The following KIF1B variants were observed in gnomAD, a reference collection of about 807,000 sequenced individuals.
KIF1B encodes the protein kinesin-like protein KIF1B.
Under a neutral mutation model 241.9 loss-of-function variants are expected in KIF1B, and 76 were observed. The observed-to-expected ratio is 0.31, with a 90% confidence interval of 0.26 to 0.38. The LOEUF (loss-of-function observed/expected upper bound fraction) is 0.38, where lower values mean the gene tolerates loss of function less well. Ranked by LOEUF, KIF1B falls within the 10% of genes least tolerant of loss-of-function variation. The pLI, the probability that KIF1B is intolerant of heterozygous loss-of-function variation, is 1.00. For missense variants in KIF1B, 1,622 were observed against 2,271.4 expected, an observed-to-expected ratio of 0.71 and a Z score of 5.81; for synonymous variants, 750 against 796.7, an observed-to-expected ratio of 0.94 and a Z score of 0.99.
intron 3 of KIF1B, 45 bp from the exon 4 acceptor site, chr1:10,258,448 A>G (rs779545649): frequency 3.7e-5 from 58 of 1,579,364 alleles, no homozygotes; most frequent in African/African-American, 5.4e-5. Flanking sequence ...GTATAGGAAG[A>G]AATATTAATA....
chr1:10,343,102 G>A (rs1397739483), intron 33 of KIF1B, 130 bp from the exon 34 acceptor site: 9 of 898,986 alleles, frequency 1.0e-5, no homozygotes, highest in African/African-American at 5.0e-5. Context: ...GAACTTTTAC[G>A]TACATTCTCA....
Position 10,313,359 on chromosome 1 carries a change from G to A in KIF1B, c.2116-6684G>A, listed in dbSNP as rs543131396. Among the ~76,000 whole-genome samples, 10 of 151,326 alleles carry A rather than the reference G, an allele frequency of 6.6e-5. 2 individuals are homozygous for A. Among genetic ancestry groups the A allele is most frequent in the African/African-American group, 1.7e-4 (7 of 40,762 alleles). On this transcript the variant is annotated intron_variant, in intron 22 of 48. Transcript: ENST00000676179. ...TGGGATTACAGGCATGAGCCACCAC[G>A]CCTAGCCTAGTACCATCTTTATAAG...
intron 22 of KIF1B, among the ~76,000 whole-genome samples, chr1:10,318,596 G>A (rs1292234958): frequency 6.8e-6 from 1 of 147,146 alleles, no homozygotes; most frequent in Non-Finnish European, 1.5e-5. Flanking sequence ...GCGGGCACCT[G>A]TAGTCCCAGC....
chr1:10,267,837 G>T lies in KIF1B; in HGVS notation c.608+279G>T, dbSNP rs569743225. Among the ~76,000 whole-genome samples the T allele has an allele frequency of 3.0e-4, 46 of 152,242 alleles. 1 individual carries two copies. In the South Asian group the frequency reaches 9.5e-3, roughly 32 times the overall value. On this transcript the variant is annotated intron_variant, in intron 6 of 48. Transcript: ENST00000676179. The stretch of plus-strand genomic sequence containing the variant: ...ATGTTAGTTATCATGTATATATGCG[G>T]CTGTGGTAGTAATTGATTCTGGAAT...
chr1:10,256,593 A>G (rs1647795804), intron 3 of KIF1B, among the ~76,000 whole-genome samples: 1 of 152,056 alleles, frequency 6.6e-6, no homozygotes, highest in Admixed American at 6.6e-5. Context: ...AATGTACACT[A>G]AATTTATACT....
chr1:10,305,110 C>T, intron 22 of KIF1B: 1 of 1,066,110 alleles, frequency 9.4e-7, no homozygotes, highest in Non-Finnish European at 1.1e-6. Context: ...TAACATGCAA[C>T]TGGGTGGGCA....
chr1:10,265,248 ATTTT>A (rs869109850), intron 5 of KIF1B, among the ~76,000 whole-genome samples: 17 of 116,330 alleles, frequency 1.5e-4, no homozygotes, highest in Non-Finnish European at 2.7e-4. Flanking sequence ...TTATTTATTT[ATTTT>A]TAGAGACAGG....
In KIF1B at chr1:10,336,722, G is replaced by A. The variant is rs1652195367; in HGVS notation, c.3109G>A (p.Asp1037Asn). ...RQSGTAKISF[D>N]NEYFNQSDFS... ...GTCAGGAACAGCTAAAATATCTTTT[G>A]ATAATGAATACTTTAATCAGGTGAG... The change falls in exon 29 of 49, where the codon GAT becomes AAT. Residue 1037 changes from aspartate to asparagine, a missense_variant. Transcript: ENST00000676179. The A allele has an allele frequency of 6.2e-7, 1 of 1,613,086 alleles. No homozygotes were observed. The highest frequency in any genetic ancestry group is 8.5e-7 in the Non-Finnish European group (1 of 1,179,300).
rs1639013862 is a variant in KIF1B at position 10,381,185 on chromosome 1, T to G, written c.*4598T>G. The G allele has an allele frequency of 9.1e-6, 2 of 219,556 alleles. No individual in the cohort carries two copies. 13.6% of individuals were successfully genotyped at this position (219,556 alleles called of 1,614,324 possible). A position where few individuals can be genotyped will look rare whatever the true frequency, so the allele number is the denominator to read the frequency against. ...CACTTGAGGAGTCCCTCAGCCTTCT[T>G]GTATTTAAGGCATCGTCTTAGACTT... On this transcript the variant is annotated 3_prime_UTR_variant, in exon 49 of 49. Transcript: ENST00000676179.
chr1:10,342,155 C>A lies in KIF1B; in HGVS notation c.3619C>A (p.Gln1207Lys). 6.2e-7 allele frequency: 1 copy of A among 1,604,786 alleles called. No individual in the cohort carries two copies. Among genetic ancestry groups the A allele is most frequent in the Non-Finnish European group, 8.5e-7 (1 of 1,171,490 alleles). ...YQQHPLHLQG[Q>K]ELNSPPQPCR... ...GCAGCACCCACTTCATCTGCAAGGACAGGAGCTTAACAGGTTTGGACCAGA... is the reference window on the plus strand; with the variant it reads ...GCAGCACCCACTTCATCTGCAAGGAAAGGAGCTTAACAGGTTTGGACCAGA... Residue 1207 changes from glutamine to lysine, a missense_variant, in exon 33 of 49, where the codon CAG becomes AAG. This residue lies in a region of KIF1B where 803 missense variants were observed against 1,112.0 expected (regional missense o/e 0.72). Transcript: ENST00000676179.
intron 10 of KIF1B, 75 bp downstream of exon 10, chr1:10,273,106 A>G (rs913044326): frequency 4.7e-6 from 5 of 1,059,600 alleles, no homozygotes; most frequent in South Asian, 1.5e-5. Flanking sequence ...GTATGGAGGC[A>G]TAAGTAGGAA....
At chr1:10,310,830 G>A (rs990207798) in intron 22 of KIF1B, among the ~76,000 whole-genome samples, 2 of 151,604 alleles carry the variant, frequency 1.3e-5, no homozygotes, top group Middle Eastern at 3.4e-3. Context: ...AAAAACACAA[G>A]GTGCTCTGAA....
At chr1:10,338,304 A>T (rs1253359725) in intron 31 of KIF1B, among the ~76,000 whole-genome samples, 15 of 152,138 alleles carry the variant, frequency 9.9e-5, no homozygotes, top group Non-Finnish European at 2.1e-4. Flanking sequence ...CATGGGTCCT[A>T]GTGCAGTTTA....
chr1:10,338,830 G>A (rs1398015398), intron 31 of KIF1B, among the ~76,000 whole-genome samples: 1 of 152,246 alleles, frequency 6.6e-6, no homozygotes, highest in Admixed American at 6.5e-5. Context: ...GAATGCTGCG[G>A]TGCCAGCAAT....
At position 10,303,265 on chromosome 1, in the gene KIF1B, C is replaced by A. The variant is rs1359946159; in HGVS notation, c.2115+6019C>A. ...AGAAAAGCTACCTCCCAGCAAGTTG[C>A]AAACCATTGTTAAAAAATGTGGCCT... is the stretch of plus-strand genomic sequence containing the variant. On this transcript the variant is annotated intron_variant, in intron 22 of 48. Transcript: ENST00000676179. This position sits in a 1 kb window ranked among gnomAD's most constrained non-coding sequence, Gnocchi z 5.2. The A allele has an allele frequency of 6.2e-7, 1 of 1,613,978 alleles. No individual in the cohort carries two copies. Among genetic ancestry groups the A allele is most frequent in the Non-Finnish European group, 8.5e-7 (1 of 1,180,022 alleles).
intron 31 of KIF1B, among the ~76,000 whole-genome samples, chr1:10,338,691 G>A (rs1318785894): frequency 6.6e-6 from 1 of 152,238 alleles, no homozygotes; most frequent in African/African-American, 2.4e-5. Context: ...GGGGAAAAGG[G>A]CATGTTGCTT....
intron 16 of KIF1B, 121 bp from the exon 17 acceptor site, chr1:10,291,926 A>C (rs559079651): frequency 1.3e-6 from 1 of 781,376 alleles, no homozygotes; most frequent in African/African-American, 1.7e-5. Flanking sequence ...TTATGTTTGC[A>C]TTATTGGCTA....
At chr1:10,293,703 A>G (rs760626213) in intron 17 of KIF1B, among the ~76,000 whole-genome samples, 8 of 152,168 alleles carry the variant, frequency 5.3e-5, no homozygotes, top group Non-Finnish European at 1.0e-4. Flanking sequence ...GAAAATTTTT[A>G]TTATAACAAC....
intron 1 of KIF1B, among the ~76,000 whole-genome samples, chr1:10,221,685 A>G (rs114633185): frequency 0.018 from 2,809 of 152,288 alleles, 40 homozygotes; most frequent in Non-Finnish European, 0.027. Flanking sequence ...AGCTATAAAA[A>G]TTTATTTTTG....
Sources: allele counts gnomAD v4.1 joint callset (sites outside exome capture counted in the v4.1 genomes callset), GRCh38; gene constraint gnomAD v4.1.1; regional missense constraint gnomAD v4.1.1; non-coding constraint Gnocchi (gnomAD v3.1); transcripts MANE v1.5; gene names NCBI Gene and HGNC (gene_info 2026-07-23, HGNC 2026-07-21).